The following ARMC2 variants were observed in gnomAD, a reference collection of about 807,000 sequenced individuals.
The protein encoded by ARMC2 is armadillo repeat containing 2.
ARMC2 carries 67 observed loss-of-function variants against 90.3 expected under a neutral mutation model. That is an observed-to-expected ratio of 0.74 (90% CI 0.61 to 0.91). The LOEUF is 0.91. Ranked by LOEUF, ARMC2 falls within the 40% of genes least tolerant of loss-of-function variation. The probability of loss-of-function intolerance (pLI) is 0.00; values close to 1 mark genes in which losing one functional copy is unlikely to be tolerated. For missense variants in ARMC2, 920 were observed against 1,030.9 expected, an observed-to-expected ratio of 0.89 and a Z score of 1.47; for synonymous variants, 393 against 393.0, an observed-to-expected ratio of 1.00 and a Z score of 0.00.
the ARMC2 span, among the ~76,000 whole-genome samples, chr6:109,014,952 A>G: frequency 6.6e-6 from 1 of 152,232 alleles, no homozygotes; most frequent in Non-Finnish European, 1.5e-5. Context: ...TATAAGCTTC[A>G]TAAAATCAGA....
chr6:108,900,593 C>A (rs1422140961), intron 7 of ARMC2, among the ~76,000 whole-genome samples: 1 of 152,146 alleles, frequency 6.6e-6, no homozygotes, highest in Non-Finnish European at 1.5e-5. Context: ...TAAATGAACC[C>A]TCCCCAGCAA....
the ARMC2 span, chr6:108,990,703 C>A: frequency 6.2e-7 from 1 of 1,614,090 alleles, no homozygotes; most frequent in Non-Finnish European, 8.5e-7. Flanking sequence ...ATTGAGGTAT[C>A]AACATCTTTG....
At chr6:109,014,911 CTATT>C in the ARMC2 span, among the ~76,000 whole-genome samples, 2 of 152,130 alleles carry the variant, frequency 1.3e-5, no homozygotes, top group Admixed American at 6.5e-5. Flanking sequence ...CTGATACCTC[CTATT>C]TATTTATTTA....
At chr6:109,035,025 T>C in the ARMC2 span, among the ~76,000 whole-genome samples, 1 of 152,310 alleles carries the variant, frequency 6.6e-6, no homozygotes, top group East Asian at 1.9e-4. Context: ...ATTTTCTTAA[T>C]AGGTTTTTTC....
chr6:108,968,919 A>C (rs992244331), intron 17 of ARMC2, among the ~76,000 whole-genome samples: 1 of 152,194 alleles, frequency 6.6e-6, no homozygotes, highest in Non-Finnish European at 1.5e-5. Context: ...CTTTAAAAGA[A>C]CGTGGTCTGA....
chr6:108,929,414 G>C (rs759565393), intron 11 of ARMC2, among the ~76,000 whole-genome samples: 19 of 152,038 alleles, frequency 1.2e-4, no homozygotes, highest in Non-Finnish European at 2.5e-4. Context: ...TTTATCCTCA[G>C]ACCTGTACCA....
chr6:109,002,082 T>A, the ARMC2 span, among the ~76,000 whole-genome samples: 289 of 152,276 alleles, frequency 1.9e-3, 1 homozygote, highest in African/African-American at 6.6e-3. Flanking sequence ...TAAAAACACA[T>A]CATGAAATAC....
intron 14 of ARMC2, 50 bp downstream of exon 14, chr6:108,961,744 G>T: frequency 1.3e-6 from 2 of 1,526,504 alleles, no homozygotes; most frequent in South Asian, 1.3e-5. Flanking sequence ...TTGAAGTTTC[G>T]ATTTTATTAA....
chr6:108,986,811 G>A, the ARMC2 span: 2 of 152,190 alleles, frequency 1.3e-5, no homozygotes, highest in Admixed American at 1.3e-4. Context: ...CATATCAAAA[G>A]ATCGCCAGCT....
the ARMC2 span, among the ~76,000 whole-genome samples, chr6:109,001,095 T>C: frequency 6.6e-6 from 1 of 152,228 alleles, no homozygotes; most frequent in Non-Finnish European, 1.5e-5. Flanking sequence ...CAGCAATGTA[T>C]AAATACTTGC....
chr6:108,900,498 A>G (rs1772018670), intron 7 of ARMC2, among the ~76,000 whole-genome samples: 1 of 152,222 alleles, frequency 6.6e-6, no homozygotes, highest in African/African-American at 2.4e-5. Context: ...GGCCTGGCAC[A>G]CAGTGCACAG....
intron 12 of ARMC2, among the ~76,000 whole-genome samples, chr6:108,937,908 G>T (rs746254010): frequency 1.3e-5 from 2 of 151,892 alleles, no homozygotes; most frequent in Non-Finnish European, 2.9e-5. Context: ...GTGTTAGCCA[G>T]GATGGTCTTG....
chr6:109,038,747 T>A, the ARMC2 span, among the ~76,000 whole-genome samples: 1 of 152,160 alleles, frequency 6.6e-6, no homozygotes, highest in Admixed American at 6.5e-5. Flanking sequence ...ATAGTTAAAT[T>A]TGCATAAGTT....
chr6:108,891,264 C>A (rs563198613), intron 5 of ARMC2, among the ~76,000 whole-genome samples: 1 of 152,294 alleles, frequency 6.6e-6, no homozygotes, highest in Admixed American at 6.5e-5. Context: ...TGGGTATATA[C>A]CCAGTAATGG....
chr6:108,895,495 A>AG (rs1771513525), intron 6 of ARMC2, among the ~76,000 whole-genome samples: 1 of 151,414 alleles, frequency 6.6e-6, no homozygotes, highest in African/African-American at 2.4e-5. Flanking sequence ...AAAAAAAAAA[A>AG]AAAAAAGATA....
In ARMC2 at chr6:108,961,615, T is replaced by C. The variant is rs754170323; in HGVS notation, c.1959T>C (p.Ala653=). ...ATTGTGAGGAGCTGGTGATCAATGCTACAGCGACAATCAACAATTTATCTT... is the reference window on the plus strand; with the variant it reads ...ATTGTGAGGAGCTGGTGATCAATGCCACAGCGACAATCAACAATTTATCTT... The part of the protein sequence containing the change: ...LDDCEELVIN[A]TATINNLSYY... The change falls in exon 14 of 18, where the codon GCT becomes GCC. Residue 653 remains alanine (A), a synonymous_variant. Coordinates refer to ENST00000392644, the MANE Select transcript of ARMC2 (RefSeq NM_032131.6). The C allele has an allele frequency of 4.5e-5, 72 of 1,612,390 alleles. No homozygotes were observed. The highest frequency in any genetic ancestry group is 5.8e-5 in the Non-Finnish European group (68 of 1,179,420).
chr6:108,936,764 G>A (rs1319915915), intron 11 of ARMC2, 136 bp from the exon 12 acceptor site: 4 of 703,348 alleles, frequency 5.7e-6, no homozygotes, highest in Non-Finnish European at 9.5e-6. Flanking sequence ...CTGAACTGAT[G>A]TGTAGAGTAT....
At chr6:108,854,081 C>T in intron 1 of ARMC2, 144 bp from the exon 2 acceptor site, 1 of 480,538 alleles carries the variant, frequency 2.1e-6, no homozygotes, top group South Asian at 2.4e-5. Flanking sequence ...GAGAGCTGTT[C>T]TCAGATCCTA....
intron 5 of ARMC2, among the ~76,000 whole-genome samples, chr6:108,878,182 T>C (rs1777124298): frequency 6.6e-6 from 1 of 152,250 alleles, no homozygotes; most frequent in African/African-American, 2.4e-5. Context: ...GGACACTTGA[T>C]AATTGTTTCT....
Sources: gnomAD v4.1 joint callset for allele counts (sites outside exome capture counted in the v4.1 genomes callset) on GRCh38, gnomAD v4.1.1 for gene constraint, MANE v1.5 for transcripts, NCBI Gene and HGNC (gene_info 2026-07-23, HGNC 2026-07-21) for gene names.